Variants in SREK1IP1 observed in about 807,000 individuals in gnomAD.
SREK1IP1 encodes the protein SREK1 interacting protein 1.
SREK1IP1 carries 12 observed loss-of-function variants against 22.8 expected under a neutral mutation model. The ratio of observed to expected loss-of-function variants is 0.53; its 90% CI spans 0.34 to 0.85. The LOEUF is 0.85. SREK1IP1 is among the 40% of genes least tolerant of loss of function. The probability of loss-of-function intolerance (pLI) is 0.02; values close to 1 mark genes in which losing one functional copy is unlikely to be tolerated. For synonymous variants in SREK1IP1, 53 were observed against 52.7 expected (o/e 1.01, Z -0.02); for missense variants, 147 against 171.8 (o/e 0.86, Z 0.81).
chr5:64,731,694 TGTGAGTTATTAAAGACAATCA>T (rs1343582067), intron 3 of SREK1IP1, among the ~76,000 whole-genome samples: 1 of 151,808 alleles, frequency 6.6e-6, no homozygotes, highest in African/African-American at 2.4e-5. Context: ...ATATAAAAAA[TGTGAGTTATTAAAGACAATCA>T]GTGAGAAGTA....
At chr5:64,762,019 G>A (rs1018424196) in intron 1 of SREK1IP1, among the ~76,000 whole-genome samples, 6 of 152,254 alleles carry the variant, frequency 3.9e-5, no homozygotes, top group African/African-American at 1.4e-4. Flanking sequence ...AGGTTGGTCA[G>A]TGGTCCGCAA....
At chr5:64,747,991 C>T (rs1742672453) in intron 2 of SREK1IP1, among the ~76,000 whole-genome samples, 1 of 152,086 alleles carries the variant, frequency 6.6e-6, no homozygotes, top group Admixed American at 6.5e-5. Context: ...TAATTCTGCT[C>T]CTATGTACAT....
At chr5:64,750,038 C>T (rs73762819) in intron 2 of SREK1IP1, among the ~76,000 whole-genome samples, 7,644 of 152,142 alleles carry the variant, frequency 0.05, 546 homozygotes, top group African/African-American at 0.16. Context: ...CAGCCCCATT[C>T]ATTGAAATTT....
chr5:64,735,162 GTTTTTT>G (rs70983645), intron 3 of SREK1IP1, among the ~76,000 whole-genome samples: 1 of 149,464 alleles, frequency 6.7e-6, no homozygotes, highest in African/African-American at 2.4e-5. Context: ...TTGTGACAAT[GTTTTTT>G]TTTTAGTCTC....
chr5:64,728,123 TC>T lies in SREK1IP1; in HGVS notation c.261del (p.Arg91GlyfsTer67). The T allele has an allele frequency of 1.4e-6, 2 of 1,412,318 alleles. No homozygotes were observed. The highest frequency in any genetic ancestry group is 1.9e-6 in the Non-Finnish European group (2 of 1,074,648). 87.5% of individuals were successfully genotyped at this position (1,412,318 alleles called of 1,614,324 possible). On this transcript the variant is annotated frameshift_variant, in exon 4 of 5. Coordinates refer to ENST00000513458, the MANE Select transcript of SREK1IP1 (RefSeq NM_173829.4). LOFTEE classifies it high-confidence loss of function. ...AAAAAATACCTTTTCCTTTTTTTTT[TC>T]AATTTGATTTTTTCTTTGCTTTTTT... is the stretch of plus-strand genomic sequence containing the variant. ...KKEKSKEKIK[L>X]KKKRKRSYSS...
At chr5:64,742,752 T>C (rs1022273677) in intron 2 of SREK1IP1, among the ~76,000 whole-genome samples, 1 of 152,228 alleles carries the variant, frequency 6.6e-6, no homozygotes, top group Non-Finnish European at 1.5e-5. Context: ...GCTTAATTCC[T>C]GGAACTTCTC....
chr5:64,732,330 C>G lies in SREK1IP1; in HGVS notation c.206-4151G>C, dbSNP rs75496651. 2.3e-3 allele frequency among the ~76,000 whole-genome samples: 356 copies of G among 152,104 alleles called. 1 individual carries two copies. The highest frequency in any genetic ancestry group is 7.5e-3 in the African/African-American group (311 of 41,466). The stretch of plus-strand genomic sequence containing the variant: ...GCTCAGGTTCGTATTTGCAAATGAC[C>G]TGACAATTTACACAGATATTCCCAA... On this transcript the variant is annotated intron_variant, in intron 3 of 4. Coordinates refer to ENST00000513458, the MANE Select transcript of SREK1IP1 (RefSeq NM_173829.4).
rs1460733305 is a variant in SREK1IP1 at position 64,768,649 on chromosome 5, G to C, written c.-132C>G. On this transcript the variant is annotated 5_prime_UTR_variant, in exon 1 of 5. Transcript: ENST00000513458. Reference sequence around the variant, plus strand: ...GCGCAGCAGCACCCTCGCTACGGTCGGGAAGGGCCTGTACGCCTCTAGCGA... The same window carrying C: ...GCGCAGCAGCACCCTCGCTACGGTCCGGAAGGGCCTGTACGCCTCTAGCGA... 3.0e-6 allele frequency: 4 copies of C among 1,321,928 alleles called. No individual in the cohort carries two copies. Among genetic ancestry groups the C allele is most frequent in the Non-Finnish European group, 4.3e-6 (4 of 931,326 alleles). The allele number at this position is 1,321,928 out of a possible 1,614,324, so 81.9% of individuals were successfully genotyped here. A position where few individuals can be genotyped will look rare whatever the true frequency, so the allele number is the denominator to read the frequency against.
intron 3 of SREK1IP1, among the ~76,000 whole-genome samples, chr5:64,733,917 A>T (rs1290502001): frequency 6.6e-6 from 1 of 152,126 alleles, no homozygotes; most frequent in African/African-American, 2.4e-5. Flanking sequence ...TGAAATGACA[A>T]TATTATAAAA....
At chr5:64,746,601 C>T (rs956476451) in intron 2 of SREK1IP1, among the ~76,000 whole-genome samples, 3 of 152,124 alleles carry the variant, frequency 2.0e-5, no homozygotes, top group African/African-American at 7.2e-5. Context: ...CATCATTAGT[C>T]ATTAAAGAAA....
At chr5:64,743,374 T>C (rs939083249) in intron 2 of SREK1IP1, among the ~76,000 whole-genome samples, 7 of 152,164 alleles carry the variant, frequency 4.6e-5, no homozygotes, top group Non-Finnish European at 8.8e-5. Flanking sequence ...ACATCCAAGT[T>C]TGTGAAAGTA....
intron 3 of SREK1IP1, among the ~76,000 whole-genome samples, chr5:64,738,623 A>G (rs1200356258): frequency 6.6e-6 from 1 of 152,174 alleles, no homozygotes; most frequent in Non-Finnish European, 1.5e-5. Context: ...TTGTACTGAC[A>G]TAAAGACAGA....
intron 1 of SREK1IP1, among the ~76,000 whole-genome samples, chr5:64,761,545 T>C (rs1215370470): frequency 6.6e-6 from 1 of 152,222 alleles, no homozygotes; most frequent in South Asian, 2.1e-4. Context: ...ACTGTATTGA[T>C]ACTACAAGCA....
At chr5:64,757,599 T>A (rs1004082405) in intron 1 of SREK1IP1, among the ~76,000 whole-genome samples, 1 of 152,106 alleles carries the variant, frequency 6.6e-6, no homozygotes, top group African/African-American at 2.4e-5. Context: ...AGCACATACA[T>A]CTCAAAACAT....
chr5:64,728,375 A>G (rs1742313204), intron 3 of SREK1IP1, among the ~76,000 whole-genome samples, 196 bp from the exon 4 acceptor site: 1 of 152,190 alleles, frequency 6.6e-6, no homozygotes, highest in Non-Finnish European at 1.5e-5. Context: ...TTTTATAAAC[A>G]TTTCAAATAC....
At chr5:64,732,823 T>C (rs902816199) in intron 3 of SREK1IP1, among the ~76,000 whole-genome samples, 1 of 151,910 alleles carries the variant, frequency 6.6e-6, no homozygotes, top group African/African-American at 2.4e-5. Context: ...ATAAAGACTA[T>C]GTGGTATTAG....
At chr5:64,744,178 T>C (rs1742595136) in intron 2 of SREK1IP1, among the ~76,000 whole-genome samples, 1 of 151,954 alleles carries the variant, frequency 6.6e-6, no homozygotes, top group African/African-American at 2.4e-5. Context: ...GTAAACACAC[T>C]GTGCATGCTC....
At chr5:64,748,751 C>T (rs907318631) in intron 2 of SREK1IP1, among the ~76,000 whole-genome samples, 4 of 152,138 alleles carry the variant, frequency 2.6e-5, no homozygotes, top group African/African-American at 9.7e-5. Flanking sequence ...TCCCACTTTA[C>T]AGACAGGAAA....
intron 3 of SREK1IP1, among the ~76,000 whole-genome samples, chr5:64,734,720 A>G (rs1466948846): frequency 6.6e-6 from 1 of 152,026 alleles, no homozygotes; most frequent in Non-Finnish European, 1.5e-5. Context: ...GTTCATTGCC[A>G]GTGTACAGAA....
Sources: gnomAD v4.1 joint callset for allele counts (sites outside exome capture counted in the v4.1 genomes callset) on GRCh38, gnomAD v4.1.1 for gene constraint, MANE v1.5 for transcripts, NCBI Gene and HGNC (gene_info 2026-07-23, HGNC 2026-07-21) for gene names.